Variants in CYP4F22 observed in about 807,000 individuals in gnomAD.
The protein encoded by CYP4F22 is cytochrome P450 family 4 subfamily F member 22.
In CYP4F22, 37 loss-of-function variants were observed where a neutral mutation model predicts 60.4. The ratio of observed to expected loss-of-function variants is 0.61; its 90% CI spans 0.47 to 0.81. The LOEUF is 0.81. CYP4F22 is among the 30% of genes least tolerant of loss of function. The pLI is 0.00. For missense variants in CYP4F22, 655 were observed against 715.0 expected (o/e 0.92, Z 0.96); for synonymous variants, 258 against 280.5 (o/e 0.92, Z 0.80).
In CYP4F22 at chr19:15,548,225, G is replaced by A. The variant is rs962909383; in HGVS notation, c.1254G>A (p.Gly418=). 6.2e-7 allele frequency: 1 copy of A among 1,614,080 alleles called. No homozygotes were observed. The highest frequency in any genetic ancestry group is 8.5e-7 in the Non-Finnish European group (1 of 1,180,006). ...QCTEDIKLPD[G]RIIPKGIICL... is the part of the protein sequence containing the mutation. ...CGGAGGACATCAAGCTCCCAGATGG[G>A]CGCATCATCCCCAAAGGTGCCTACC... Residue 418 remains glycine, a synonymous_variant, in exon 11 of 14, where the codon GGG becomes GGA. Coordinates refer to ENST00000269703, the MANE Select transcript of CYP4F22 (RefSeq NM_173483.4).
intron 4 of CYP4F22, among the ~76,000 whole-genome samples, chr19:15,531,792 G>T (rs1971345625): frequency 6.6e-6 from 1 of 152,120 alleles, no homozygotes; most frequent in Non-Finnish European, 1.5e-5. Context: ...GGGTGCAGTT[G>T]TGAAGCCTGA....
Position 15,544,219 on chromosome 19 carries a change from A to G in CYP4F22, c.1076A>G (p.Glu359Gly), listed in dbSNP as rs779195003. 1.3e-4 allele frequency: 209 copies of G among 1,613,990 alleles called. No homozygotes were observed. Among genetic ancestry groups the G allele is most frequent in the Non-Finnish European group, 1.7e-4 (197 of 1,180,038 alleles). ...TTGGCAAAGTATCCGGAATACCAGGAGAAATGCCGAGAAGAGATTCAGGAA... is the reference window on the plus strand; with the variant it reads ...TTGGCAAAGTATCCGGAATACCAGGGGAAATGCCGAGAAGAGATTCAGGAA... ...FNLAKYPEYQ[E>G]KCREEIQEVM... Residue 359 changes from glutamate (E) to glycine (G), a missense_variant, in exon 10 of 14, where the codon GAG (glutamate) becomes GGG (glycine). By Grantham distance (98) the Glu-to-Gly change is moderately conservative. Transcript: ENST00000269703.
chr19:15,516,030 G>A (rs974559137), intron 1 of CYP4F22: 5 of 152,194 alleles, frequency 3.3e-5, no homozygotes, highest in South Asian at 4.1e-4. Flanking sequence ...GTCGAGACTC[G>A]GTCTTGAAAA....
At position 15,551,751 on chromosome 19, in the gene CYP4F22, C is replaced by G. The variant is rs921712602; in HGVS notation, c.*280C>G. On this transcript the variant is annotated 3_prime_UTR_variant, in exon 14 of 14. Coordinates refer to ENST00000269703, the MANE Select transcript of CYP4F22 (RefSeq NM_173483.4). ...TGAGGGACCAGGGTCGACCCTGCCCCCTTGGGCTCAGGCCCCGCCCCCAGG... is the reference window on the plus strand; with the variant it reads ...TGAGGGACCAGGGTCGACCCTGCCCGCTTGGGCTCAGGCCCCGCCCCCAGG... The G allele has an allele frequency of 1.1e-5, 6 of 542,288 alleles. No homozygotes were observed. The highest frequency in any genetic ancestry group is 6.5e-5 in the Admixed American group (2 of 30,970). The allele number at this position is 542,288 out of a possible 1,614,324, so 33.6% of individuals were successfully genotyped here.
intron 1 of CYP4F22, chr19:15,515,279 C>A: frequency 1.0e-6 from 1 of 959,512 alleles, no homozygotes; most frequent in East Asian, 3.1e-5. Context: ...ATTTTCAAAG[C>A]AGTTTTAATA....
At chr19:15,519,640 G>A (rs1382620985) in intron 1 of CYP4F22, among the ~76,000 whole-genome samples, 5 of 152,116 alleles carry the variant, frequency 3.3e-5, no homozygotes, top group Non-Finnish European at 7.4e-5. Context: ...GCCAGGCTGA[G>A]GGGAGTAGGG....
chr19:15,533,063 G>C (rs1971360614), intron 4 of CYP4F22, among the ~76,000 whole-genome samples: 1 of 152,166 alleles, frequency 6.6e-6, no homozygotes, highest in South Asian at 2.1e-4. Context: ...TCTGAGCTTG[G>C]AGCTGCACAG....
chr19:15,538,499 C>A (rs940721838), intron 7 of CYP4F22, among the ~76,000 whole-genome samples: 12 of 152,190 alleles, frequency 7.9e-5, no homozygotes, highest in African/African-American at 2.9e-4. Context: ...TTCATTAATT[C>A]ATTCATTCAT....
chr19:15,541,536 A>AG (rs34666173), intron 8 of CYP4F22, among the ~76,000 whole-genome samples: 7 of 127,128 alleles, frequency 5.5e-5, no homozygotes, highest in Non-Finnish European at 8.3e-5. Flanking sequence ...ATTCTAGCGG[A>AG]GGGGGGGTGG....
In CYP4F22 at chr19:15,537,371, C is replaced by T. The variant is rs1971407993; in HGVS notation, c.378C>T (p.Ala126=). Residue 126 remains alanine, a synonymous_variant, in exon 5 of 14, where the codon GCC becomes GCT. Transcript: ENST00000269703. ...KPLLGASAAI[A]PKDDLFYGFL... ...CTTTGCCCTCCACAGCTGCCATCGC[C>T]CCCAAGGATGACCTCTTCTATGGCT... 6.2e-7 allele frequency: 1 copy of T among 1,614,138 alleles called. No homozygotes were observed. Among genetic ancestry groups the T allele is most frequent in the Non-Finnish European group, 8.5e-7 (1 of 1,180,014 alleles).
rs576140466 is a variant in CYP4F22 at position 15,550,494 on chromosome 19, G to A, written c.1336-180G>A. 1.5e-4 allele frequency among the ~76,000 whole-genome samples: 23 copies of A among 152,254 alleles called. No individual in the cohort carries two copies. In the South Asian group the frequency reaches 3.3e-3, roughly 22 times the overall value. The stretch of plus-strand genomic sequence containing the variant: ...CCCTGAGGTGGAATCTCACTGGTGC[G>A]TGTGAACAACAGAAGGAGGCAGGTG... On this transcript the variant is annotated intron_variant, in intron 12 of 13. Transcript: ENST00000269703.
chr19:15,544,187 G>A lies in CYP4F22; in HGVS notation c.1044G>A (p.Leu348=), dbSNP rs1282789902. The change falls in exon 10 of 14, where the codon CTG becomes CTA. Residue 348 remains leucine (L), a synonymous_variant. Coordinates refer to ENST00000269703, the MANE Select transcript of CYP4F22 (RefSeq NM_173483.4). Reference sequence around the variant, plus strand: ...CATCCAGTGGGATCTCTTGGATGCTGTTCAATTTGGCAAAGTATCCGGAAT... The same window carrying A: ...CATCCAGTGGGATCTCTTGGATGCTATTCAATTTGGCAAAGTATCCGGAAT... ...DTTSSGISWM[L]FNLAKYPEYQ... is the part of the protein sequence containing the mutation. The A allele has an allele frequency of 1.2e-6, 2 of 1,614,172 alleles. No individual in the cohort carries two copies. The highest frequency in any genetic ancestry group is 1.1e-5 in the South Asian group (1 of 91,088).
chr19:15,518,300 G>A (rs1971177952), intron 1 of CYP4F22, among the ~76,000 whole-genome samples: 1 of 151,942 alleles, frequency 6.6e-6, no homozygotes, highest in African/African-American at 2.4e-5. Flanking sequence ...TTGCACCACT[G>A]CACTTCTGCC....
In CYP4F22 at chr19:15,551,902, C is replaced by A. The variant is rs1428207186; in HGVS notation, c.*431C>A. 3.3e-5 allele frequency: 6 copies of A among 180,778 alleles called. No homozygotes were observed. Among genetic ancestry groups the A allele is most frequent in the African/African-American group, 9.6e-5 (4 of 41,620 alleles). The allele number at this position is 180,778 out of a possible 1,614,324, so 11.2% of individuals were successfully genotyped here. Reference sequence around the variant, plus strand: ...GGGCCCACCACACCCCACCCCCCCCCAACTGGCTGAACCCCTGGCAGGCTT... The same window carrying A: ...GGGCCCACCACACCCCACCCCCCCCAAACTGGCTGAACCCCTGGCAGGCTT... On this transcript the variant is annotated 3_prime_UTR_variant, in exon 14 of 14. Coordinates refer to ENST00000269703, the MANE Select transcript of CYP4F22 (RefSeq NM_173483.4).
At position 15,548,081 on chromosome 19, in the gene CYP4F22, C is replaced by G. The variant is rs369551123; in HGVS notation, c.1137-27C>G. 218 of 1,608,446 alleles carry G rather than the reference C, an allele frequency of 1.4e-4. 2 individuals are homozygous for G. The African/African-American group carries it at 2.8e-3, about 20-fold the overall frequency. Reference sequence around the variant, plus strand: ...GGAGGTGGTGCCATGGTGGCTCGGCCTCTAGTTATATCTCCATTCTCCCCA... The same window carrying G: ...GGAGGTGGTGCCATGGTGGCTCGGCGTCTAGTTATATCTCCATTCTCCCCA... On this transcript the variant is annotated intron_variant, in intron 10 of 13. Coordinates refer to ENST00000269703, the MANE Select transcript of CYP4F22 (RefSeq NM_173483.4).
chr19:15,528,423 G>A (rs1228487439), intron 3 of CYP4F22, among the ~76,000 whole-genome samples: 2 of 152,098 alleles, frequency 1.3e-5, no homozygotes, highest in African/African-American at 4.8e-5. Flanking sequence ...GATGGGCATT[G>A]GTGTATAAAT....
At chr19:15,547,851 GA>G (rs1206209735) in intron 10 of CYP4F22, among the ~76,000 whole-genome samples, 1 of 151,096 alleles carries the variant, frequency 6.6e-6, no homozygotes, top group East Asian at 1.9e-4. Flanking sequence ...AAAAGGAAAA[GA>G]AAAAACAAAA....
At chr19:15,523,309 G>C (rs1163121676) in intron 1 of CYP4F22, among the ~76,000 whole-genome samples, 1 of 152,138 alleles carries the variant, frequency 6.6e-6, no homozygotes, top group East Asian at 1.9e-4. Flanking sequence ...GCAGTGAGCT[G>C]AGATCGCACC....
Position 15,549,773 on chromosome 19 carries a change from C to T in CYP4F22, c.1335+571C>T, listed in dbSNP as rs144166639. Reference sequence around the variant, plus strand: ...TGAGGCCAGAAGTTCCAGCTCAGCCCAGCCTGGGCAACACAGTGAGACCCC... The same window carrying T: ...TGAGGCCAGAAGTTCCAGCTCAGCCTAGCCTGGGCAACACAGTGAGACCCC... On this transcript the variant is annotated intron_variant, in intron 12 of 13. Transcript: ENST00000269703. 2.8e-3 allele frequency among the ~76,000 whole-genome samples: 428 copies of T among 150,216 alleles called. 2 individuals are homozygous for T. The highest frequency in any genetic ancestry group is 0.01 in the African/African-American group (408 of 40,792).
Sources: allele counts gnomAD v4.1 joint callset (sites outside exome capture counted in the v4.1 genomes callset), GRCh38; gene constraint gnomAD v4.1.1; transcripts MANE v1.5; gene names NCBI Gene and HGNC (gene_info 2026-07-23, HGNC 2026-07-21).